The following SPIDR variants were observed in gnomAD, a reference collection of about 807,000 sequenced individuals.
SPIDR encodes the protein DNA repair-scaffolding protein.
In SPIDR, 93 loss-of-function variants were observed where a neutral mutation model predicts 104.6. The observed-to-expected ratio is 0.89, with a 90% CI of 0.75 to 1.06. SPIDR has a LOEUF of 1.06. Ranked by LOEUF, SPIDR falls within the 50% of genes least tolerant of loss-of-function variation. SPIDR has a pLI of 0.00. For synonymous variants in SPIDR, 431 were observed against 416.9 expected, an observed-to-expected ratio of 1.03 and a Z score of -0.41; for missense variants, 1,154 against 1,111.2, an observed-to-expected ratio of 1.04 and a Z score of -0.55.
intron 7 of SPIDR, among the ~76,000 whole-genome samples, chr8:47,410,595 T>C (rs1226705231): frequency 6.6e-6 from 1 of 152,064 alleles, no homozygotes; most frequent in African/African-American, 2.4e-5. Context: ...TTACAACTCA[T>C]TTGACCACCC....
chr8:47,681,204 C>A (rs928027414), intron 11 of SPIDR, among the ~76,000 whole-genome samples: 46 of 152,274 alleles, frequency 3.0e-4, no homozygotes, highest in African/African-American at 1.1e-3. Flanking sequence ...TGTGTTTTCC[C>A]TATAGTTTTT....
intron 8 of SPIDR, among the ~76,000 whole-genome samples, chr8:47,551,606 C>T (rs1217727984): frequency 1.3e-5 from 2 of 152,012 alleles, no homozygotes; most frequent in Non-Finnish European, 2.9e-5. Flanking sequence ...TCTGTGGGAT[C>T]GGTGGTGATA....
At chr8:47,715,818 G>A (rs1184688889) in intron 16 of SPIDR, among the ~76,000 whole-genome samples, 3 of 152,134 alleles carry the variant, frequency 2.0e-5, no homozygotes, top group Non-Finnish European at 4.4e-5. Flanking sequence ...ACAAGGTTTT[G>A]TTTGAACGCC....
chr8:47,621,450 G>A (rs1028175845), intron 10 of SPIDR, among the ~76,000 whole-genome samples: 2 of 152,150 alleles, frequency 1.3e-5, no homozygotes, highest in Non-Finnish European at 2.9e-5. Flanking sequence ...TGTAGATTTG[G>A]GTTATGTGAT....
chr8:47,730,302 C>T (rs376892434), intron 19 of SPIDR, among the ~76,000 whole-genome samples: 1 of 152,184 alleles, frequency 6.6e-6, no homozygotes, highest in African/African-American at 2.4e-5. Context: ...ATAAATGAGA[C>T]ATCTGTCCTA....
intron 8 of SPIDR, among the ~76,000 whole-genome samples, chr8:47,570,441 C>G (rs150994469): frequency 6.6e-6 from 1 of 152,172 alleles, no homozygotes; most frequent in East Asian, 1.9e-4. Flanking sequence ...AATGTAAGAG[C>G]CAAAAGTATA....
At chr8:47,536,819 A>G (rs898647459) in intron 8 of SPIDR, among the ~76,000 whole-genome samples, 9 of 152,228 alleles carry the variant, frequency 5.9e-5, no homozygotes, top group Non-Finnish European at 1.2e-4. Context: ...CCATGGACAT[A>G]TCTTGTAAAG....
chr8:47,736,108 AC>A lies in SPIDR; in HGVS notation c.*659del, dbSNP rs2086213939. 1 of 154,778 alleles carries A rather than the reference AC, an allele frequency of 6.5e-6. No homozygotes were observed. Among genetic ancestry groups the A allele is most frequent in the Admixed American group, 6.3e-5 (1 of 15,882 alleles). 9.6% of individuals were successfully genotyped at this position (154,778 alleles called of 1,614,324 possible). A position where few individuals can be genotyped will look rare whatever the true frequency, so the allele number is the denominator to read the frequency against. ...TGTGCACGGAGAGCAAAGATCACAG[AC>A]TAAGGAGCAGTCAGTCGGATATTTG... On this transcript the variant is annotated 3_prime_UTR_variant, in exon 20 of 20. Transcript: ENST00000297423.
chr8:47,286,879 C>T (rs1290662664), intron 3 of SPIDR, among the ~76,000 whole-genome samples: 1 of 152,104 alleles, frequency 6.6e-6, no homozygotes, highest in Non-Finnish European at 1.5e-5. Context: ...TCTGTTTGTT[C>T]TTTCATGTTC....
At chr8:47,419,249 G>C (rs1317210719) in intron 7 of SPIDR, 1 of 152,090 alleles carries the variant, frequency 6.6e-6, no homozygotes, top group Non-Finnish European at 1.5e-5. Flanking sequence ...ATCTGGTCCT[G>C]GACTTTTTTT....
chr8:47,429,171 A>G (rs1282271465), intron 7 of SPIDR, among the ~76,000 whole-genome samples: 4 of 152,226 alleles, frequency 2.6e-5, no homozygotes, highest in African/African-American at 9.6e-5. Flanking sequence ...GGAACAGTAA[A>G]GAGTTCTTAC....
At chr8:47,483,201 T>G (rs1459971656) in intron 8 of SPIDR, among the ~76,000 whole-genome samples, 2 of 152,194 alleles carry the variant, frequency 1.3e-5, no homozygotes, top group Middle Eastern at 3.2e-3. Context: ...ACGCTTGGGG[T>G]TGTCTTTTTA....
rs139873768 is a variant in SPIDR, at chr8:47,402,907, C to G, written c.777-4954C>G. On this transcript the variant is annotated intron_variant, in intron 6 of 19. Transcript: ENST00000297423. ...CTGGCAGAGACACAACAAAAAAAGACAATTTTAGACCAATATCTCTGATGA... is the reference window on the plus strand; with the variant it reads ...CTGGCAGAGACACAACAAAAAAAGAGAATTTTAGACCAATATCTCTGATGA... 5.3e-3 allele frequency among the ~76,000 whole-genome samples: 802 copies of G among 152,098 alleles called. 10 individuals carry two copies. The highest frequency in any genetic ancestry group is 0.018 in the African/African-American group (768 of 41,518).
intron 10 of SPIDR, among the ~76,000 whole-genome samples, chr8:47,608,467 G>T (rs1232634359): frequency 6.6e-6 from 1 of 152,126 alleles, no homozygotes; most frequent in Non-Finnish European, 1.5e-5. Flanking sequence ...CCTAGGCATG[G>T]AATTGCTGAG....
intron 11 of SPIDR, among the ~76,000 whole-genome samples, chr8:47,698,155 T>C (rs1230694773): frequency 6.6e-6 from 1 of 152,252 alleles, no homozygotes; most frequent in Non-Finnish European, 1.5e-5. Flanking sequence ...ATTTTAAACT[T>C]TTTAAATAAA....
chr8:47,411,112 G>A (rs1470737769), intron 7 of SPIDR, among the ~76,000 whole-genome samples: 1 of 152,104 alleles, frequency 6.6e-6, no homozygotes, highest in Non-Finnish European at 1.5e-5. Flanking sequence ...TAGTGCCACA[G>A]TAAACATACG....
intron 5 of SPIDR, chr8:47,330,796 T>C (rs782290970): frequency 2.2e-6 from 1 of 456,214 alleles, no homozygotes; most frequent in African/African-American, 2.0e-5. Flanking sequence ...GCAATTATGA[T>C]TGAAGGTGCT....
intron 10 of SPIDR, among the ~76,000 whole-genome samples, chr8:47,611,823 T>C (rs902885009): frequency 3.9e-5 from 6 of 152,284 alleles, no homozygotes; most frequent in South Asian, 2.1e-4. Context: ...GATAGAAGAA[T>C]TAAAATATGA....
intron 5 of SPIDR, among the ~76,000 whole-genome samples, chr8:47,330,037 A>T (rs2048385078): frequency 6.6e-6 from 1 of 152,194 alleles, no homozygotes; most frequent in South Asian, 2.1e-4. Context: ...CAGATTTTTC[A>T]TGTGGACTTG....
Sources: gnomAD v4.1 joint callset for allele counts (sites outside exome capture counted in the v4.1 genomes callset) on GRCh38, gnomAD v4.1.1 for gene constraint, MANE v1.5 for transcripts, NCBI Gene and HGNC (gene_info 2026-07-23, HGNC 2026-07-21) for gene names.